Variants in ROR1 observed in about 807,000 individuals in gnomAD.
The protein encoded by ROR1 is inactive tyrosine-protein kinase transmembrane receptor ROR1.
Under a neutral mutation model 78.8 loss-of-function variants are expected in ROR1, and 19 were observed. That is an observed-to-expected ratio of 0.24 (90% CI 0.17 to 0.35). ROR1 has a LOEUF of 0.35. Among genes scored for constraint, ROR1 ranks in the 10% least tolerant of loss-of-function variants. The pLI is 1.00. For synonymous variants in ROR1, 386 were observed against 433.6 expected, an observed-to-expected ratio of 0.89 and a Z score of 1.36; for missense variants, 917 against 1,177.8, an observed-to-expected ratio of 0.78 and a Z score of 3.24.
intron 4 of ROR1, among the ~76,000 whole-genome samples, chr1:64,130,831 C>G (rs1648888281): frequency 6.6e-6 from 1 of 152,192 alleles, no homozygotes; most frequent in African/African-American, 2.4e-5. Context: ...AAAGCCAGGG[C>G]TAATTTTACC....
intron 1 of ROR1, among the ~76,000 whole-genome samples, chr1:63,838,198 C>T (rs597611): frequency 0.44 from 67,047 of 151,834 alleles, 18,177 homozygotes; most frequent in African/African-American, 0.77. Context: ...TGTTAGTGGT[C>T]TACGTATTTA....
At chr1:64,070,530 G>C (rs1646995188) in intron 4 of ROR1, among the ~76,000 whole-genome samples, 1 of 151,968 alleles carries the variant, frequency 6.6e-6, no homozygotes, top group Non-Finnish European at 1.5e-5. Context: ...ATATTGCCCA[G>C]GCTGGTCTCG....
At chr1:64,105,999 G>A (rs1647788260) in intron 4 of ROR1, 1 of 151,934 alleles carries the variant, frequency 6.6e-6, no homozygotes, top group African/African-American at 2.4e-5. Flanking sequence ...TGTGAAGAAC[G>A]TCAATGGTAG....
chr1:63,905,218 A>G (rs1645519212), intron 1 of ROR1, among the ~76,000 whole-genome samples: 1 of 152,214 alleles, frequency 6.6e-6, no homozygotes, highest in Admixed American at 6.5e-5. Context: ...CAGTTGAACT[A>G]GGAATCTCTG....
At chr1:64,148,021 T>A (rs1649520428) in intron 7 of ROR1, among the ~76,000 whole-genome samples, 1 of 152,214 alleles carries the variant, frequency 6.6e-6, no homozygotes, top group Non-Finnish European at 1.5e-5. Flanking sequence ...ATGTCGAATG[T>A]TGGGGTTGAG....
chr1:63,879,211 G>C (rs1219605584), intron 1 of ROR1, among the ~76,000 whole-genome samples: 1 of 152,134 alleles, frequency 6.6e-6, no homozygotes, highest in African/African-American at 2.4e-5. Flanking sequence ...TATCTGCTGA[G>C]AGGAAGCTCA....
chr1:63,862,890 A>G lies in ROR1; in HGVS notation c.91+88382A>G, dbSNP rs545439668. 5.3e-5 allele frequency among the ~76,000 whole-genome samples: 8 copies of G among 152,374 alleles called. No individual in the cohort carries two copies. The South Asian group carries it at 1.7e-3, about 32-fold the overall frequency. On this transcript the variant is annotated intron_variant, in intron 1 of 8. Coordinates refer to ENST00000371079, the MANE Select transcript of ROR1 (RefSeq NM_005012.4). ...GACTTTTAAAAATTAATATTGGAGT[A>G]TAGTATAAGCATAGTGACATACAAT... is the stretch of plus-strand genomic sequence containing the variant.
intron 1 of ROR1, among the ~76,000 whole-genome samples, chr1:63,870,206 C>T (rs528543566): frequency 1.3e-5 from 2 of 152,238 alleles, no homozygotes; most frequent in South Asian, 2.1e-4. Context: ...TTCTCCTCTC[C>T]CCATACACCA....
Position 63,991,348 on chromosome 1 carries a change from A to G in ROR1, c.92-17957A>G, listed in dbSNP as rs1051850079. ...TTTGTGACTTCTACATTAACCACTC[A>G]GAACACTGACAAGCTGTAAAAATAT... On this transcript the variant is annotated intron_variant, in intron 1 of 8. Transcript: ENST00000371079. Among the ~76,000 whole-genome samples the G allele has an allele frequency of 2.8e-4, 42 of 152,202 alleles. 1 individual carries two copies. The highest frequency in any genetic ancestry group is 3.3e-4 in the Admixed American group (5 of 15,276).
intron 1 of ROR1, among the ~76,000 whole-genome samples, chr1:63,897,785 G>C (rs1645452000): frequency 6.6e-6 from 1 of 152,164 alleles, no homozygotes. Flanking sequence ...TGTCATAACT[G>C]ATAATCCTTG....
chr1:63,981,837 G>A (rs909703309), intron 1 of ROR1, among the ~76,000 whole-genome samples: 5 of 152,022 alleles, frequency 3.3e-5, no homozygotes, highest in African/African-American at 1.2e-4. Context: ...ACTCTTCAAA[G>A]TCCATCCAAC....
rs987879598 is a variant in ROR1, at chr1:64,054,128, A to G, written c.482+3412A>G. 2.0e-5 allele frequency among the ~76,000 whole-genome samples: 3 copies of G among 152,004 alleles called. No individual in the cohort carries two copies. In the South Asian group the frequency reaches 6.2e-4, roughly 32 times the overall value. ...ACTACCGTGCCTGGCAAATTTTTGT[A>G]TGTTTTACAGAGATGGGGTTTCTCC... is the stretch of plus-strand genomic sequence containing the variant. On this transcript the variant is annotated intron_variant, in intron 4 of 8. Coordinates refer to ENST00000371079, the MANE Select transcript of ROR1 (RefSeq NM_005012.4).
chr1:63,810,730 G>T (rs1196861261), intron 1 of ROR1, among the ~76,000 whole-genome samples: 5 of 152,210 alleles, frequency 3.3e-5, no homozygotes, highest in Non-Finnish European at 7.3e-5. Context: ...GAAACATGAT[G>T]CCTCTAGGGG....
rs968079325 is a variant in ROR1 at position 63,774,408 on chromosome 1, G to A, written c.-10G>A. 1.6e-6 allele frequency: 2 copies of A among 1,249,880 alleles called. No homozygotes were observed. Among genetic ancestry groups the A allele is most frequent in the African/African-American group, 1.6e-5 (1 of 62,690 alleles). 77.4% of individuals were successfully genotyped at this position (1,249,880 alleles called of 1,614,324 possible). ...GAGCCGCCGCCGCCGCCGCCTCAGC[G>A]AGAGGAGGAATGCACCGGCCGCGCC... On this transcript the variant is annotated 5_prime_UTR_variant, in exon 1 of 9. Coordinates refer to ENST00000371079, the MANE Select transcript of ROR1 (RefSeq NM_005012.4). This position sits in a 1 kb window ranked among gnomAD's most constrained non-coding sequence, Gnocchi z 5.7.
In ROR1 at chr1:64,178,982, A is replaced by G; in HGVS notation, c.*127A>G. On this transcript the variant is annotated 3_prime_UTR_variant, in exon 9 of 9. Coordinates refer to ENST00000371079, the MANE Select transcript of ROR1 (RefSeq NM_005012.4). This position sits in a 1 kb window ranked among gnomAD's most constrained non-coding sequence, Gnocchi z 4.3. ...GACATCGCAACAAGTACCTTCTGTG[A>G]AGTTTCACTGTGTCTTACCAAGCAG... 1.7e-6 allele frequency: 1 copy of G among 594,210 alleles called. No homozygotes were observed. Among genetic ancestry groups the G allele is most frequent in the East Asian group, 3.3e-5 (1 of 30,002 alleles). The allele number at this position is 594,210 out of a possible 1,614,324, so 36.8% of individuals were successfully genotyped here.
chr1:64,091,734 C>G (rs1444590163), intron 4 of ROR1, among the ~76,000 whole-genome samples: 2 of 152,106 alleles, frequency 1.3e-5, no homozygotes, highest in African/African-American at 4.8e-5. Context: ...CTTCCCTGCC[C>G]TTGCTTCCTT....
At chr1:64,038,549 T>C (rs992715270) in intron 2 of ROR1, among the ~76,000 whole-genome samples, 19 of 152,116 alleles carry the variant, frequency 1.2e-4, no homozygotes, top group Middle Eastern at 3.2e-3. Flanking sequence ...ATTCCACCGA[T>C]TGCAAGGTGT....
At chr1:64,155,316 C>G (rs1475740194) in intron 7 of ROR1, among the ~76,000 whole-genome samples, 3 of 152,174 alleles carry the variant, frequency 2.0e-5, no homozygotes, top group African/African-American at 7.2e-5. Flanking sequence ...ATTTTCAGAG[C>G]CAGCAGAGAC....
Position 64,178,519 on chromosome 1 carries a change from T to G in ROR1, c.2478T>G (p.Pro826=). ...CCATCAATGGATACCCAATACCTCC[T>G]GGATATGCAGCGTTTCCAGCTGCCC... ...FIPINGYPIP[P]GYAAFPAAHY... The change falls in exon 9 of 9, where the codon CCT becomes CCG. Residue 826 remains proline, a synonymous_variant. Transcript: ENST00000371079. The surrounding 1 kb of genome is among the most constrained non-coding windows in gnomAD (Gnocchi z 4.3). 1 of 1,614,212 alleles carries G rather than the reference T, an allele frequency of 6.2e-7. No individual in the cohort carries two copies. The highest frequency in any genetic ancestry group is 8.5e-7 in the Non-Finnish European group (1 of 1,180,044).
Sources: allele counts gnomAD v4.1 joint callset (sites outside exome capture counted in the v4.1 genomes callset), GRCh38; gene constraint gnomAD v4.1.1; non-coding constraint Gnocchi (gnomAD v3.1); transcripts MANE v1.5; gene names NCBI Gene and HGNC (gene_info 2026-07-23, HGNC 2026-07-21).